Variants in CDK6 observed in about 807,000 individuals in gnomAD.
CDK6 encodes cyclin-dependent kinase 6.
Under a neutral mutation model 37.1 loss-of-function variants are expected in CDK6, and 6 were observed. The observed-to-expected ratio is 0.16, with a 90% CI of 0.09 to 0.32. The LOEUF (loss-of-function observed/expected upper bound fraction) is 0.32. Ranked by LOEUF, CDK6 falls within the 10% of genes least tolerant of loss-of-function variation. The pLI is 1.00. For synonymous variants in CDK6, 160 were observed against 161.3 expected, an observed-to-expected ratio of 0.99 and a Z score of 0.06; for missense variants, 224 against 418.9, an observed-to-expected ratio of 0.53 and a Z score of 4.06.
chr7:92,827,676 G>A (rs868261467), intron 2 of CDK6, among the ~76,000 whole-genome samples: 18 of 152,048 alleles, frequency 1.2e-4, no homozygotes, highest in Non-Finnish European at 2.1e-4. Context: ...ATCAACCACC[G>A]GTGCGTTTTC....
chr7:92,783,066 G>C (rs935774570), intron 2 of CDK6, among the ~76,000 whole-genome samples: 1 of 152,144 alleles, frequency 6.6e-6, no homozygotes, highest in East Asian at 1.9e-4. Context: ...TCCTTCCCAA[G>C]GAGCCAGGCA....
At chr7:92,696,046 G>C (rs572672846) in intron 4 of CDK6, among the ~76,000 whole-genome samples, 5 of 152,326 alleles carry the variant, frequency 3.3e-5, no homozygotes, top group African/African-American at 1.2e-4. Flanking sequence ...TCTGGGTTTC[G>C]GAGTGTGCTC....
At chr7:92,789,142 A>C (rs757974036) in intron 2 of CDK6, among the ~76,000 whole-genome samples, 22 of 152,130 alleles carry the variant, frequency 1.4e-4, no homozygotes, top group Non-Finnish European at 2.9e-4. Context: ...ATAAATAAAG[A>C]AGTGCTGGAA....
At position 92,711,681 on chromosome 7, in the gene CDK6, C is replaced by A. The variant is rs1185552354; in HGVS notation, c.537+13945G>T. ...CTCCTGGGCTCAAGCGATCTTCCCACCTCAGCCTCCCAAGTAGCTGGGACT... is the reference window on the plus strand; with the variant it reads ...CTCCTGGGCTCAAGCGATCTTCCCAACTCAGCCTCCCAAGTAGCTGGGACT... On this transcript the variant is annotated intron_variant, in intron 4 of 7. Transcript: ENST00000424848. 2.0e-5 allele frequency among the ~76,000 whole-genome samples: 3 copies of A among 150,686 alleles called. No homozygotes were observed. The East Asian group carries it at 5.9e-4, about 30-fold the overall frequency.
intron 4 of CDK6, among the ~76,000 whole-genome samples, chr7:92,673,989 A>C (rs1161971351): frequency 6.6e-6 from 1 of 151,632 alleles, no homozygotes; most frequent in Non-Finnish European, 1.5e-5. Flanking sequence ...CATGTTGCTC[A>C]GGCTGGTCTC....
chr7:92,671,340 T>C (rs1207843672), intron 5 of CDK6, 86 bp downstream of exon 5: 3 of 842,820 alleles, frequency 3.6e-6, no homozygotes, highest in Non-Finnish European at 5.4e-6. Flanking sequence ...CCCCTAATGA[T>C]AGAAATGCCA....
In CDK6 at chr7:92,835,458, T is replaced by C. The variant is rs780480453; in HGVS notation, c.-368+1020A>G. Among the ~76,000 whole-genome samples, 6 of 151,388 alleles carry C rather than the reference T, an allele frequency of 4.0e-5. No homozygotes were observed. Among genetic ancestry groups the C allele is most frequent in the Admixed American group, 6.6e-5 (1 of 15,226 alleles). On this transcript the variant is annotated intron_variant, in intron 1 of 7. Coordinates refer to ENST00000424848, the MANE Select transcript of CDK6 (RefSeq NM_001145306.2). This position sits in a 1 kb window ranked among gnomAD's most constrained non-coding sequence, Gnocchi z 4.2. ...GAGAAACGGGAGCAGCAATGCCTTTTCCCCCCCTCTCCTCCACTTTTTTTT... is the reference window on the plus strand; with the variant it reads ...GAGAAACGGGAGCAGCAATGCCTTTCCCCCCCCTCTCCTCCACTTTTTTTT...
chr7:92,610,928 G>T lies in CDK6; in HGVS notation c.*4212C>A. 1 of 228,208 alleles carries T rather than the reference G, an allele frequency of 4.4e-6. No homozygotes were observed. 14.1% of individuals were successfully genotyped at this position (228,208 alleles called of 1,614,324 possible). On this transcript the variant is annotated 3_prime_UTR_variant, in exon 8 of 8. Coordinates refer to ENST00000424848, the MANE Select transcript of CDK6 (RefSeq NM_001145306.2). ...GTAAGAAGTATTGCTTCATGTGGTTGCCTCTTCCCTTGAAATGGGAAAAAA... is the reference window on the plus strand; with the variant it reads ...GTAAGAAGTATTGCTTCATGTGGTTTCCTCTTCCCTTGAAATGGGAAAAAA...
chr7:92,688,313 A>C (rs1452747647), intron 4 of CDK6, among the ~76,000 whole-genome samples: 1 of 152,152 alleles, frequency 6.6e-6, no homozygotes, highest in African/African-American at 2.4e-5. Context: ...TTTTGACTGA[A>C]TAATTTGTAT....
chr7:92,759,583 C>T (rs1044296382), intron 3 of CDK6, among the ~76,000 whole-genome samples: 2 of 150,312 alleles, frequency 1.3e-5, no homozygotes, highest in African/African-American at 2.5e-5. Context: ...GGGTATTTAT[C>T]TTTCTGCAAG....
At chr7:92,646,922 A>G (rs1251608469) in intron 5 of CDK6, among the ~76,000 whole-genome samples, 1 of 152,212 alleles carries the variant, frequency 6.6e-6, no homozygotes, top group Non-Finnish European at 1.5e-5. Flanking sequence ...TTTAAAATTA[A>G]GTGCTTTCTG....
chr7:92,724,812 T>C (rs1456645713), intron 4 of CDK6, among the ~76,000 whole-genome samples: 1 of 152,182 alleles, frequency 6.6e-6, no homozygotes, highest in Non-Finnish European at 1.5e-5. Context: ...ATATTATTTA[T>C]TTAATTTACT....
chr7:92,729,273 C>A (rs770109121), intron 3 of CDK6, among the ~76,000 whole-genome samples: 2 of 152,104 alleles, frequency 1.3e-5, no homozygotes, highest in Non-Finnish European at 2.9e-5. Flanking sequence ...TTATTCTGTA[C>A]CATATATGAC....
chr7:92,625,730 T>C (rs1432786931), intron 5 of CDK6, among the ~76,000 whole-genome samples: 1 of 152,062 alleles, frequency 6.6e-6, no homozygotes, highest in Non-Finnish European at 1.5e-5. Flanking sequence ...AAACAACATT[T>C]AGAAGTTGGG....
At chr7:92,649,097 T>C (rs1031170198) in intron 5 of CDK6, among the ~76,000 whole-genome samples, 2 of 152,104 alleles carry the variant, frequency 1.3e-5, no homozygotes, top group African/African-American at 2.4e-5. Flanking sequence ...ACTATATGTA[T>C]ATATCTTTGG....
chr7:92,718,881 C>T (rs1467918402), intron 4 of CDK6, among the ~76,000 whole-genome samples: 1 of 152,222 alleles, frequency 6.6e-6, no homozygotes, highest in African/African-American at 2.4e-5. Flanking sequence ...CGCTTGTAAG[C>T]TCTCTGACCT....
chr7:92,805,692 C>A (rs1451549484), intron 2 of CDK6, among the ~76,000 whole-genome samples: 1 of 152,170 alleles, frequency 6.6e-6, no homozygotes, highest in Admixed American at 6.5e-5. Flanking sequence ...TATCCTAAAG[C>A]ACTCCACAGA....
At position 92,748,966 on chromosome 7, in the gene CDK6, C is replaced by T. The variant is rs559404335; in HGVS notation, c.370-23173G>A. ...CCTGTAATCCCAGCATGTGGGAGGC[C>T]GAGGTGGGCATATCACAAGGTCAGG... On this transcript the variant is annotated intron_variant, in intron 3 of 7. Transcript: ENST00000424848. Among the ~76,000 whole-genome samples the T allele has an allele frequency of 9.2e-5, 14 of 152,136 alleles. No homozygotes were observed. In the South Asian group the frequency reaches 1.2e-3, roughly 14 times the overall value.
chr7:92,800,730 G>A (rs907332824), intron 2 of CDK6, among the ~76,000 whole-genome samples: 1 of 152,138 alleles, frequency 6.6e-6, no homozygotes, highest in African/African-American at 2.4e-5. Context: ...GCTATTCCCT[G>A]TAGCAACATT....
Sources: allele counts gnomAD v4.1 joint callset (sites outside exome capture counted in the v4.1 genomes callset), GRCh38; gene constraint gnomAD v4.1.1; non-coding constraint Gnocchi (gnomAD v3.1); transcripts MANE v1.5; gene names NCBI Gene and HGNC (gene_info 2026-07-23, HGNC 2026-07-21).